Variants in SCARA5 observed in about 807,000 individuals in gnomAD.
SCARA5 encodes the protein scavenger receptor class A, member 5 (putative).
SCARA5 carries 45 observed loss-of-function variants against 46.3 expected under a neutral mutation model. The ratio of observed to expected loss-of-function variants is 0.97; its 90% CI spans 0.76 to 1.24. The LOEUF (loss-of-function observed/expected upper bound fraction) is 1.24. Ranked by LOEUF, SCARA5 falls within the 50% of genes most tolerant of loss-of-function variation. The pLI, the probability that SCARA5 is intolerant of heterozygous loss-of-function variation, is 0.00. For missense variants in SCARA5, 680 were observed against 689.0 expected (o/e 0.99, Z 0.15); for synonymous variants, 333 against 306.5 (o/e 1.09, Z -0.90).
chr8:27,879,468 C>A, intron 8 of SCARA5, 101 bp downstream of exon 8: 1 of 1,173,242 alleles, frequency 8.5e-7, no homozygotes, highest in Non-Finnish European at 1.2e-6. Context: ...GGCTGGGGAC[C>A]TCGCGGAATT....
At chr8:27,946,941 C>T (rs1942804837) in intron 3 of SCARA5, among the ~76,000 whole-genome samples, 1 of 78,400 alleles carries the variant, frequency 1.3e-5, no homozygotes, top group African/African-American at 4.7e-5. Context: ...TGTTTTTTTT[C>T]ACTGTTCTCC....
At chr8:27,938,199 C>T (rs969067624) in intron 3 of SCARA5, among the ~76,000 whole-genome samples, 1 of 152,176 alleles carries the variant, frequency 6.6e-6, no homozygotes, top group Non-Finnish European at 1.5e-5. Context: ...ATCACTGATG[C>T]CACCCTTGGC....
In SCARA5 at chr8:27,937,079, A is replaced by G. The variant is rs1170972541; in HGVS notation, c.242-14834T>C. Among the ~76,000 whole-genome samples, 4 of 152,346 alleles carry G rather than the reference A, an allele frequency of 2.6e-5. No homozygotes were observed. In the East Asian group the frequency reaches 7.7e-4, roughly 29 times the overall value. On this transcript the variant is annotated intron_variant, in intron 3 of 8. Transcript: ENST00000354914. ...AATGAAACTCAGTCTTTGCAAATTT[A>G]TAAGTAGCATTCGAGACTTGCTCTT...
intron 7 of SCARA5, among the ~76,000 whole-genome samples, chr8:27,884,405 G>A (rs1431023337): frequency 1.3e-5 from 2 of 152,240 alleles, no homozygotes; most frequent in Admixed American, 6.5e-5. Context: ...AGAGGGACCC[G>A]GCCGCTGCGC....
rs1306704755 is a variant in SCARA5 at position 27,921,369 on chromosome 8, C to G, written c.916+202G>C. 2.0e-5 allele frequency among the ~76,000 whole-genome samples: 3 copies of G among 152,210 alleles called. No homozygotes were observed. In the East Asian group the frequency reaches 5.8e-4, roughly 29 times the overall value. On this transcript the variant is annotated intron_variant, in intron 4 of 8. Coordinates refer to ENST00000354914, the MANE Select transcript of SCARA5 (RefSeq NM_173833.6). The stretch of plus-strand genomic sequence containing the variant: ...TACCTGGGAAGAGACCTGTGCAAGC[C>G]CTGGATGTGGGTACATGCCATTTGG...
intron 3 of SCARA5, among the ~76,000 whole-genome samples, chr8:27,922,569 C>T (rs764428013): frequency 6.6e-6 from 1 of 152,196 alleles, no homozygotes; most frequent in Admixed American, 6.5e-5. Context: ...AGTTTGTGAG[C>T]TGCTGTTCTA....
At chr8:27,988,170 C>T (rs757261212) in intron 1 of SCARA5, among the ~76,000 whole-genome samples, 2 of 152,156 alleles carry the variant, frequency 1.3e-5, no homozygotes, top group Non-Finnish European at 2.9e-5. Flanking sequence ...CCAAATCCAA[C>T]GGGGCTGGCA....
At chr8:27,886,916 G>GT (rs1554568698) in intron 7 of SCARA5, among the ~76,000 whole-genome samples, 2 of 152,168 alleles carry the variant, frequency 1.3e-5, no homozygotes, top group Non-Finnish European at 2.9e-5. Flanking sequence ...AGTCCAGGGA[G>GT]TTTTTTCCTC....
chr8:27,961,692 G>A (rs1808296936), intron 3 of SCARA5, among the ~76,000 whole-genome samples: 2 of 152,138 alleles, frequency 1.3e-5, no homozygotes, highest in Admixed American at 1.3e-4. Flanking sequence ...TAACCAGCGT[G>A]AAGTCTACAC....
At chr8:27,981,338 G>A (rs1019466682) in intron 2 of SCARA5, among the ~76,000 whole-genome samples, 1 of 152,206 alleles carries the variant, frequency 6.6e-6, no homozygotes, top group Non-Finnish European at 1.5e-5. Flanking sequence ...CCACCCTTGG[G>A]CCCAAAGGGT....
chr8:27,893,151 G>C (rs970656068), intron 7 of SCARA5, among the ~76,000 whole-genome samples: 1 of 152,146 alleles, frequency 6.6e-6, no homozygotes, highest in Non-Finnish European at 1.5e-5. Context: ...GAACAAAAAG[G>C]CTCATCCCCT....
At chr8:27,970,484 C>T (rs538325985) in intron 2 of SCARA5, among the ~76,000 whole-genome samples, 3 of 152,292 alleles carry the variant, frequency 2.0e-5, no homozygotes, top group African/African-American at 7.2e-5. Flanking sequence ...CCTGACAACC[C>T]AGAAGTTGCC....
intron 3 of SCARA5, among the ~76,000 whole-genome samples, chr8:27,931,691 T>C (rs985056726): frequency 3.3e-5 from 5 of 152,030 alleles, no homozygotes; most frequent in African/African-American, 7.3e-5. Context: ...TTACACAGAG[T>C]CTCGCTCTGT....
intron 3 of SCARA5, among the ~76,000 whole-genome samples, chr8:27,942,774 T>A (rs1807972788): frequency 6.6e-6 from 1 of 152,180 alleles, no homozygotes. Context: ...AAATGCCCTT[T>A]GCTGCTATCT....
intron 2 of SCARA5, among the ~76,000 whole-genome samples, chr8:27,970,377 C>G (rs558984190): frequency 6.6e-6 from 1 of 152,334 alleles, no homozygotes; most frequent in South Asian, 2.1e-4. Context: ...GAGGCAGGAG[C>G]AGCTTTTCAT....
intron 6 of SCARA5, 121 bp downstream of exon 6, chr8:27,907,027 T>A: frequency 3.2e-6 from 2 of 633,122 alleles, no homozygotes; most frequent in Non-Finnish European, 5.5e-6. Flanking sequence ...AAGAGACTTG[T>A]ACAAGGTTGC....
At chr8:27,885,658 C>T (rs969885264) in intron 7 of SCARA5, among the ~76,000 whole-genome samples, 8 of 152,172 alleles carry the variant, frequency 5.3e-5, no homozygotes, top group African/African-American at 1.9e-4. Context: ...AAATCTCCAG[C>T]ATCCTCTTTA....
chr8:27,943,504 C>T (rs1183042022), intron 3 of SCARA5, among the ~76,000 whole-genome samples: 4 of 152,194 alleles, frequency 2.6e-5, no homozygotes, highest in African/African-American at 7.2e-5. Context: ...ATGCATCCAG[C>T]GGTATGCTGA....
intron 7 of SCARA5, among the ~76,000 whole-genome samples, chr8:27,890,336 C>T (rs1288496847): frequency 6.6e-6 from 1 of 152,204 alleles, no homozygotes; most frequent in Non-Finnish European, 1.5e-5. Flanking sequence ...GAGGTTAAAC[C>T]AGCAGGGCCC....
Sources: allele counts gnomAD v4.1 joint callset (sites outside exome capture counted in the v4.1 genomes callset), GRCh38; gene constraint gnomAD v4.1.1; transcripts MANE v1.5; gene names NCBI Gene and HGNC (gene_info 2026-07-23, HGNC 2026-07-21).